MUSK: variants seen among roughly 807,000 people sequenced by gnomAD.
MUSK encodes the protein muscle associated receptor tyrosine kinase.
Under a neutral mutation model 88.7 loss-of-function variants are expected in MUSK, and 55 were observed. The observed-to-expected ratio is 0.62, with a 90% CI of 0.50 to 0.78. The LOEUF (loss-of-function observed/expected upper bound fraction) is 0.78, where lower values mean the gene tolerates loss of function less well. Ranked by LOEUF, MUSK falls within the 30% of genes least tolerant of loss-of-function variation. The pLI is 0.00. For synonymous variants in MUSK, 387 were observed against 391.9 expected (o/e 0.99, Z 0.15); for missense variants, 1,015 against 1,074.3 (o/e 0.94, Z 0.77).
intron 5 of MUSK, among the ~76,000 whole-genome samples, chr9:110,720,474 A>T (rs2076797062): frequency 6.6e-6 from 1 of 152,074 alleles, no homozygotes; most frequent in African/African-American, 2.4e-5. Context: ...CTTTATGGAC[A>T]TAAACTAGAA....
In MUSK at chr9:110,787,785, G is replaced by A. The variant is rs2077900685; in HGVS notation, c.1874G>A (p.Arg625Lys). ...GCAGATATGCAAGCGGACTTTCAGA[G>A]GGAGGCAGCCCTCATGGCAGAATTT... ...ASADMQADFQREAALMAEFDN... is the reference protein window; with the variant it reads ...ASADMQADFQKEAALMAEFDN... Residue 625 changes from arginine (R) to lysine (K), a missense_variant, in exon 14 of 15, where the codon AGG (arginine) becomes AAG (lysine). By Grantham distance (26) the Arg-to-Lys change is conservative. Coordinates refer to ENST00000374448, the MANE Select transcript of MUSK (RefSeq NM_005592.4). 9 of 1,613,664 alleles carry A rather than the reference G, an allele frequency of 5.6e-6. No individual in the cohort carries two copies. Among genetic ancestry groups the A allele is most frequent in the Non-Finnish European group, 7.6e-6 (9 of 1,179,768 alleles).
intron 5 of MUSK, among the ~76,000 whole-genome samples, chr9:110,723,795 C>G (rs144432112): frequency 3.4e-4 from 51 of 152,066 alleles, no homozygotes; most frequent in African/African-American, 1.2e-3. Flanking sequence ...TTTTAAAAGC[C>G]ACCACTTTAA....
intron 1 of MUSK, among the ~76,000 whole-genome samples, chr9:110,681,035 ATTAT>A (rs2076108631): frequency 2.6e-5 from 1 of 39,200 alleles, no homozygotes; most frequent in African/African-American, 1.5e-4. Flanking sequence ...TATATTATAT[ATTAT>A]ATAATATATA....
rs150398315 is a variant in MUSK, at chr9:110,722,698, GA to G, written c.629-11543del. Among the ~76,000 whole-genome samples, 109 of 148,820 alleles carry G rather than the reference GA, an allele frequency of 7.3e-4. 1 individual carries two copies. The East Asian group carries it at 7.7e-3, about 11-fold the overall frequency. On this transcript the variant is annotated intron_variant, in intron 5 of 14. Coordinates refer to ENST00000374448, the MANE Select transcript of MUSK (RefSeq NM_005592.4). Reference sequence around the variant, plus strand: ...AATCTACAAAGAACTGAAACAGCAAGAAAAAAAAAATCCCATCAAAAAGTGG... The same window carrying G: ...AATCTACAAAGAACTGAAACAGCAAGAAAAAAAAATCCCATCAAAAAGTGG...
At chr9:110,685,617 AT>A (rs1463867939) in intron 2 of MUSK, among the ~76,000 whole-genome samples, 1 of 152,138 alleles carries the variant, frequency 6.6e-6, no homozygotes, top group African/African-American at 2.4e-5. Context: ...CATAACAAGG[AT>A]CCCCCTTTCT....
At chr9:110,728,855 C>A in intron 5 of MUSK, 1 of 599,880 alleles carries the variant, frequency 1.7e-6, no homozygotes, top group Non-Finnish European at 2.7e-6. Context: ...TATTAAGTCA[C>A]AGCACTTAAC....
chr9:110,799,462 C>T (rs982033403), intron 14 of MUSK, among the ~76,000 whole-genome samples: 3 of 152,156 alleles, frequency 2.0e-5, no homozygotes, highest in African/African-American at 4.8e-5. Flanking sequence ...AAATGTTTTA[C>T]TGCAGCAACT....
At chr9:110,704,787 C>T (rs1313516885) in intron 5 of MUSK, among the ~76,000 whole-genome samples, 2 of 151,782 alleles carry the variant, frequency 1.3e-5, no homozygotes, top group East Asian at 3.9e-4. Flanking sequence ...AGTTTGAGAC[C>T]AGCCTGGCCA....
chr9:110,690,756 A>T (rs1284802628), intron 3 of MUSK, among the ~76,000 whole-genome samples: 1 of 69,108 alleles, frequency 1.4e-5, no homozygotes, highest in African/African-American at 6.7e-5. Flanking sequence ...ATATAAGTAT[A>T]TATATAAATA....
At chr9:110,695,663 T>C in intron 4 of MUSK, 133 bp downstream of exon 4, 1 of 763,890 alleles carries the variant, frequency 1.3e-6, no homozygotes, top group Non-Finnish European at 2.0e-6. Context: ...CAAATGTAAA[T>C]ATTTCTGTTT....
chr9:110,770,283 T>C (rs13299459), intron 9 of MUSK, among the ~76,000 whole-genome samples: 1 of 146,976 alleles, frequency 6.8e-6, no homozygotes, highest in Non-Finnish European at 1.5e-5. Context: ...ATTATATAAG[T>C]TATATAATAC....
chr9:110,784,670 A>C (rs1407991040), intron 11 of MUSK, 145 bp from the exon 12 acceptor site: 1 of 601,342 alleles, frequency 1.7e-6, no homozygotes, highest in Admixed American at 3.2e-5. Flanking sequence ...ACTAGACCTT[A>C]CTGAACTTTA....
Position 110,802,863 on chromosome 9 carries a change from C to A in MUSK, c.*1875C>A, listed in dbSNP as rs1428804183. On this transcript the variant is annotated 3_prime_UTR_variant, in exon 15 of 15. Transcript: ENST00000374448. Reference sequence around the variant, plus strand: ...GCGAGGTCAGCATTTAGGACTGAGACCTAAAGAAGTGCTTCAGATAAAAAT... The same window carrying A: ...GCGAGGTCAGCATTTAGGACTGAGAACTAAAGAAGTGCTTCAGATAAAAAT... Among the ~76,000 whole-genome samples, 1 of 152,022 alleles carries A rather than the reference C, an allele frequency of 6.6e-6. No individual in the cohort carries two copies. The highest frequency in any genetic ancestry group is 2.4e-5 in the African/African-American group (1 of 41,380).
At chr9:110,781,506 G>C (rs1357750245) in intron 11 of MUSK, among the ~76,000 whole-genome samples, 1 of 152,152 alleles carries the variant, frequency 6.6e-6, no homozygotes, top group Non-Finnish European at 1.5e-5. Flanking sequence ...TCGATCTCCT[G>C]ACCTCGTGAT....
chr9:110,744,080 GC>G (rs1227173355), intron 6 of MUSK, among the ~76,000 whole-genome samples: 35 of 152,080 alleles, frequency 2.3e-4, no homozygotes, highest in Middle Eastern at 3.4e-3. Flanking sequence ...CAATGCTCCT[GC>G]CTCAGCCTCT....
intron 7 of MUSK, 23 bp from the exon 8 acceptor site, chr9:110,762,179 G>A: frequency 7.0e-7 from 1 of 1,435,918 alleles, no homozygotes; most frequent in East Asian, 2.5e-5. Flanking sequence ...ACTTCCTGTG[G>A]GAACTTCCTT....
intron 1 of MUSK, among the ~76,000 whole-genome samples, chr9:110,671,059 C>A (rs2075950863): frequency 6.6e-6 from 1 of 152,094 alleles, no homozygotes; most frequent in Non-Finnish European, 1.5e-5. Context: ...GCAACCTCCT[C>A]CTCCCAGGTT....
intron 7 of MUSK, among the ~76,000 whole-genome samples, chr9:110,758,363 G>A (rs972194037): frequency 6.6e-6 from 1 of 152,148 alleles, no homozygotes; most frequent in African/African-American, 2.4e-5. Flanking sequence ...AAATGCCACT[G>A]GAGTGTTAAC....
At chr9:110,704,870 A>C (rs748640879) in intron 5 of MUSK, among the ~76,000 whole-genome samples, 7 of 151,938 alleles carry the variant, frequency 4.6e-5, no homozygotes, top group Non-Finnish European at 1.0e-4. Context: ...CTGAAATTCT[A>C]GCTACTCAGG....
Sources: allele counts gnomAD v4.1 joint callset (sites outside exome capture counted in the v4.1 genomes callset), GRCh38; gene constraint gnomAD v4.1.1; transcripts MANE v1.5; gene names NCBI Gene and HGNC (gene_info 2026-07-23, HGNC 2026-07-21).